Variants in TFDP1 observed in about 807,000 individuals in gnomAD.
TFDP1 encodes transcription factor Dp-1.
TFDP1 carries 6 observed loss-of-function variants against 48.0 expected under a neutral mutation model. That is an observed-to-expected ratio of 0.13 (90% CI 0.07 to 0.25). TFDP1 has a LOEUF of 0.25. TFDP1 is among the 10% of genes least tolerant of loss of function. The probability of loss-of-function intolerance (pLI) is 1.00; values close to 1 mark genes in which losing one functional copy is unlikely to be tolerated. For missense variants in TFDP1, 335 were observed against 543.0 expected, an observed-to-expected ratio of 0.62 and a Z score of 3.81; for synonymous variants, 201 against 211.6, an observed-to-expected ratio of 0.95 and a Z score of 0.44.
chr13:113,625,177 C>T (rs1285910579), intron 4 of TFDP1, among the ~76,000 whole-genome samples: 12 of 125,068 alleles, frequency 9.6e-5, no homozygotes, highest in African/African-American at 3.2e-4. Context: ...GTGTCTCTCA[C>T]GTGTCCTCAG....
intron 3 of TFDP1, among the ~76,000 whole-genome samples, chr13:113,613,463 G>T (rs1395163121): frequency 6.6e-6 from 1 of 152,242 alleles, no homozygotes; most frequent in Non-Finnish European, 1.5e-5. Flanking sequence ...TCGTTCCAGA[G>T]AATTCTGTTT....
At chr13:113,593,141 G>C (rs1321060133) in intron 2 of TFDP1, among the ~76,000 whole-genome samples, 3 of 133,772 alleles carry the variant, frequency 2.2e-5, no homozygotes, top group African/African-American at 8.7e-5. Flanking sequence ...CCCTGCCCAG[G>C]TGACAGGTGT....
At chr13:113,595,696 A>G (rs947727263) in intron 2 of TFDP1, among the ~76,000 whole-genome samples, 1 of 152,256 alleles carries the variant, frequency 6.6e-6, no homozygotes, top group Non-Finnish European at 1.5e-5. Context: ...GTGAGTGCAG[A>G]TGCTGGTCTT....
In TFDP1 at chr13:113,636,561, C is replaced by T; in HGVS notation, c.867C>T (p.Asn289=). ...DKFEYLFNFD[N]TFEIHDDIEV... ...TTGAGTATCTGTTTAATTTTGACAA[C>T]ACATTTGAAATCCACGATGACATAG... The change falls in exon 10 of 12, where the codon AAC becomes AAT. Residue 289 remains asparagine (N), a synonymous_variant. Coordinates refer to ENST00000375370, the MANE Select transcript of TFDP1 (RefSeq NM_007111.5). The T allele has an allele frequency of 6.2e-7, 1 of 1,614,132 alleles. No individual in the cohort carries two copies. Among genetic ancestry groups the T allele is most frequent in the Non-Finnish European group, 8.5e-7 (1 of 1,180,026 alleles).
At position 113,633,772 on chromosome 13, in the gene TFDP1, GT is replaced by G; in HGVS notation, c.475-116del. 7.8e-7 allele frequency: 1 copy of G among 1,276,240 alleles called. No individual in the cohort carries two copies. Among genetic ancestry groups the G allele is most frequent in the Non-Finnish European group, 1.1e-6 (1 of 919,190 alleles). The allele number at this position is 1,276,240 out of a possible 1,614,324, so 79.1% of individuals were successfully genotyped here. ...GGGTGGGAGCGCTCCCTGAGGGCAT[GT>G]TGGGGTGGCGGCTCCGTGAGCGGGG... On this transcript the variant is annotated intron_variant, in intron 6 of 11. Transcript: ENST00000375370. The surrounding 1 kb of genome is among the most constrained non-coding windows in gnomAD (Gnocchi z 4.5).
intron 3 of TFDP1, among the ~76,000 whole-genome samples, chr13:113,614,398 G>A (rs771434983): frequency 1.3e-5 from 2 of 152,218 alleles, no homozygotes; most frequent in Non-Finnish European, 2.9e-5. Flanking sequence ...AGATGGAGCC[G>A]TTGCAGCTGC....
At chr13:113,594,921 C>T (rs1292926023) in intron 2 of TFDP1, among the ~76,000 whole-genome samples, 2 of 152,172 alleles carry the variant, frequency 1.3e-5, no homozygotes, top group Non-Finnish European at 1.5e-5. Context: ...CATATGTGAG[C>T]TGAATTGTTA....
At chr13:113,587,129 C>T (rs899610860) in intron 2 of TFDP1, among the ~76,000 whole-genome samples, 2 of 152,146 alleles carry the variant, frequency 1.3e-5, no homozygotes, top group African/African-American at 4.8e-5. Flanking sequence ...TTTCGGGGCC[C>T]TCTTTCATTC....
intron 2 of TFDP1, among the ~76,000 whole-genome samples, chr13:113,609,363 G>GT (rs201999880): frequency 0.014 from 2,082 of 152,336 alleles, 48 homozygotes; most frequent in African/African-American, 0.047. Flanking sequence ...CACAGCCAGG[G>GT]CTGGGACGGT....
intron 4 of TFDP1, among the ~76,000 whole-genome samples, chr13:113,629,277 C>G (rs772491512): frequency 4.6e-5 from 7 of 152,222 alleles, no homozygotes; most frequent in Non-Finnish European, 1.0e-4. Flanking sequence ...CCTGTAAGAC[C>G]TGGCCTCCGT....
chr13:113,593,946 G>C (rs957219978), intron 2 of TFDP1, among the ~76,000 whole-genome samples: 1 of 144,964 alleles, frequency 6.9e-6, no homozygotes, highest in African/African-American at 2.6e-5. Context: ...CAGGTGTGCT[G>C]TGTGTGGGTC....
At position 113,634,878 on chromosome 13, in the gene TFDP1, C is replaced by CGTGT. The variant is rs4150798; in HGVS notation, c.687+278_687+281dup. Among the ~76,000 whole-genome samples, 920 of 150,186 alleles carry CGTGT rather than the reference C, an allele frequency of 6.1e-3. 10 individuals are homozygous for CGTGT. The highest frequency in any genetic ancestry group is 0.021 in the African/African-American group (867 of 40,796). On this transcript the variant is annotated intron_variant, in intron 8 of 11. Transcript: ENST00000375370. ...GTGCGTGCGTGCGTGTGCCTGTGTG[C>CGTGT]GTGTGCATGTGTGTGCGTGCATGTG...
chr13:113,585,444 C>A (rs552863746), intron 1 of TFDP1: 3 of 165,294 alleles, frequency 1.8e-5, no homozygotes, highest in Non-Finnish European at 2.6e-5. Context: ...GGTGGGGCAC[C>A]CCCCTGCAGC....
intron 4 of TFDP1, among the ~76,000 whole-genome samples, chr13:113,625,900 CAT>C (rs2049157673): frequency 3.5e-5 from 5 of 141,810 alleles, no homozygotes; most frequent in African/African-American, 8.1e-5. Flanking sequence ...GTGTCTCTCA[CAT>C]GTCCTCAGGT....
chr13:113,605,474 C>T (rs1432491437), intron 2 of TFDP1, among the ~76,000 whole-genome samples: 2 of 152,064 alleles, frequency 1.3e-5, no homozygotes, highest in African/African-American at 4.8e-5. Context: ...CTGTCTTCTC[C>T]CACACAGCGG....
chr13:113,638,023 C>G, intron 11 of TFDP1, 127 bp downstream of exon 11: 1 of 1,302,122 alleles, frequency 7.7e-7, no homozygotes, highest in Non-Finnish European at 1.1e-6. Flanking sequence ...GCTTGTCTGT[C>G]CAGGCAGTGG....
At chr13:113,604,313 G>A (rs531093160) in intron 2 of TFDP1, among the ~76,000 whole-genome samples, 36 of 152,264 alleles carry the variant, frequency 2.4e-4, no homozygotes, top group Non-Finnish European at 4.4e-4. Context: ...GGTAATTGTG[G>A]TCTAGTAGTA....
At chr13:113,600,104 A>T (rs369495783) in intron 2 of TFDP1, among the ~76,000 whole-genome samples, 1 of 137,978 alleles carries the variant, frequency 7.2e-6, no homozygotes, top group African/African-American at 2.8e-5. Context: ...ATGAGAGAGA[A>T]CCCAGGACCG....
chr13:113,634,043 C>T lies in TFDP1; in HGVS notation c.618+10C>T. The T allele has an allele frequency of 6.2e-7, 1 of 1,614,184 alleles. No individual in the cohort carries two copies. The highest frequency in any genetic ancestry group is 8.5e-7 in the Non-Finnish European group (1 of 1,180,028). ...ATGTCAGAACTTAGAGGTGCCCCTT[C>T]AGCCTTCCTTCAACCTTGATTTCCC... On this transcript the variant is annotated intron_variant, in intron 7 of 11. Coordinates refer to ENST00000375370, the MANE Select transcript of TFDP1 (RefSeq NM_007111.5).
Sources: gnomAD v4.1 joint callset for allele counts (sites outside exome capture counted in the v4.1 genomes callset) on GRCh38, gnomAD v4.1.1 for gene constraint, Gnocchi (gnomAD v3.1) non-coding constraint, MANE v1.5 for transcripts, NCBI Gene and HGNC (gene_info 2026-07-23, HGNC 2026-07-21) for gene names.